C13orf46: variants seen among roughly 807,000 people sequenced by gnomAD.
C13orf46 encodes uncharacterized protein C13orf46.
chr13:113,962,717 G>C (rs1378808842), intron 6 of C13orf46, among the ~76,000 whole-genome samples: 10 of 152,180 alleles, frequency 6.6e-5, no homozygotes, highest in Admixed American at 2.0e-4. Context: ...AGTCAAGGGG[G>C]ATGGAGGCTG....
chr13:113,926,739 T>C, the C13orf46 span: 1 of 152,238 alleles, frequency 6.6e-6, no homozygotes, highest in African/African-American at 2.4e-5. Flanking sequence ...TGCTTCAAGA[T>C]GGCTGTTAAG....
At chr13:113,971,151 G>T (rs1379513679) in intron 1 of C13orf46, among the ~76,000 whole-genome samples, 2 of 152,242 alleles carry the variant, frequency 1.3e-5, no homozygotes, top group African/African-American at 4.8e-5. Context: ...GGGAATGTTT[G>T]CGGAGACCCT....
At chr13:113,972,256 G>A (rs919402421) in intron 1 of C13orf46, among the ~76,000 whole-genome samples, 4 of 152,206 alleles carry the variant, frequency 2.6e-5, no homozygotes, top group African/African-American at 9.7e-5. Flanking sequence ...TGAGAACTTT[G>A]CACGTCTTGA....
chr13:113,932,811 A>T, the C13orf46 span, among the ~76,000 whole-genome samples: 2 of 152,216 alleles, frequency 1.3e-5, no homozygotes, highest in East Asian at 1.9e-4. Flanking sequence ...ATTTTATCTT[A>T]TCTTCTTCTT....
rs1036539826 is a variant in C13orf46 at position 113,971,803 on chromosome 13, C to T, written c.191-1581G>A. Among the ~76,000 whole-genome samples, 80 of 152,220 alleles carry T rather than the reference C, an allele frequency of 5.3e-4. 1 individual carries two copies. The highest frequency in any genetic ancestry group is 1.2e-4 in the Non-Finnish European group (8 of 68,034). ...GTCCCTGCAGAAACCAAGGCCACGT[C>T]GGACTCTACCAGTGGTCAGCAAGGC... On this transcript the variant is annotated intron_variant, in intron 1 of 6. Coordinates refer to ENST00000636427, the MANE Select transcript of C13orf46 (RefSeq NM_001365455.2).
the C13orf46 span, among the ~76,000 whole-genome samples, chr13:113,932,137 A>G: frequency 6.6e-6 from 1 of 152,198 alleles, no homozygotes; most frequent in African/African-American, 2.4e-5. Flanking sequence ...TGGGTGTATC[A>G]TAATTGGTTC....
At chr13:113,929,294 G>A in the C13orf46 span, among the ~76,000 whole-genome samples, 1 of 152,258 alleles carries the variant, frequency 6.6e-6, no homozygotes, top group Non-Finnish European at 1.5e-5. Context: ...GCTGGCCCAG[G>A]CCCTGCAGAG....
At chr13:113,968,212 C>T (rs2052668923) in intron 4 of C13orf46, among the ~76,000 whole-genome samples, 1 of 152,212 alleles carries the variant, frequency 6.6e-6, no homozygotes, top group South Asian at 2.1e-4. Context: ...CACCTCCTCT[C>T]AGGGCCTCAT....
In C13orf46 at chr13:113,956,615, CAAG is replaced by C. The variant is rs1566415213; in HGVS notation, c.*155_*157del. ...CTCCTTCCAGGCCTGGCCAGTCCCA[CAAG>C]AAGAAAACAGAAACCTCAGTGCCTG... On this transcript the variant is annotated 3_prime_UTR_variant, in exon 7 of 7. Transcript: ENST00000636427. The C allele has an allele frequency of 6.6e-6, 1 of 152,472 alleles. No individual in the cohort carries two copies. Among genetic ancestry groups the C allele is most frequent in the Non-Finnish European group, 1.5e-5 (1 of 68,146 alleles). 9.4% of individuals were successfully genotyped at this position (152,472 alleles called of 1,614,324 possible). A position where few individuals can be genotyped will look rare whatever the true frequency, so the allele number is the denominator to read the frequency against.
At chr13:113,951,469 TC>T (rs1226179937), downstream of C13orf46, among the ~76,000 whole-genome samples, 4 of 151,152 alleles carry the variant, frequency 2.6e-5, no homozygotes, top group Non-Finnish European at 4.4e-5. Flanking sequence ...CCAGCACCAC[TC>T]CCCCCCGCCG....
At chr13:113,932,217 C>T in the C13orf46 span, among the ~76,000 whole-genome samples, 6 of 152,178 alleles carry the variant, frequency 3.9e-5, no homozygotes, top group Non-Finnish European at 7.3e-5. Context: ...TTGTTGTGAA[C>T]GTTTACGACA....
chr13:113,948,404 C>T, the C13orf46 span, among the ~76,000 whole-genome samples: 13 of 152,212 alleles, frequency 8.5e-5, no homozygotes, highest in African/African-American at 3.1e-4. Flanking sequence ...GACATATACT[C>T]GGAAAGCTAC....
At chr13:113,945,565 GAA>G in the C13orf46 span, among the ~76,000 whole-genome samples, 339 of 91,222 alleles carry the variant, frequency 3.7e-3, 7 homozygotes, top group African/African-American at 0.011. Context: ...AAGAAAGAAA[GAA>G]AGAAAGAAAG....
At chr13:113,957,065 G>A (rs2052541338) in intron 6 of C13orf46, among the ~76,000 whole-genome samples, 1 of 145,794 alleles carries the variant, frequency 6.9e-6, no homozygotes, top group East Asian at 2.1e-4. Flanking sequence ...ACCTGCATAT[G>A]CTCCCATTTC....
rs2052504644 is a variant in C13orf46, at chr13:113,954,400, C to T, written c.*2373G>A. 1 of 152,796 alleles carries T rather than the reference C, an allele frequency of 6.5e-6. No homozygotes were observed. The highest frequency in any genetic ancestry group is 6.5e-5 in the Admixed American group (1 of 15,314). The allele number at this position is 152,796 out of a possible 1,614,324, so 9.5% of individuals were successfully genotyped here. On this transcript the variant is annotated 3_prime_UTR_variant, in exon 7 of 7. Transcript: ENST00000636427. ...GGGCTCTGGGTGGATTCTGGTGAAA[C>T]TCGTCTTACAGGCATGTCCTGGAGC...
the C13orf46 span, among the ~76,000 whole-genome samples, chr13:113,939,078 G>C: frequency 2.6e-5 from 4 of 152,128 alleles, no homozygotes; most frequent in African/African-American, 9.7e-5. Flanking sequence ...GTAAACTCCG[G>C]GAGGGCAGAA....
chr13:113,951,186 C>T (rs2052487377), downstream of C13orf46, among the ~76,000 whole-genome samples: 10 of 152,310 alleles, frequency 6.6e-5, no homozygotes, highest in South Asian at 2.1e-3. Context: ...CCAGCGAATG[C>T]TCAGCTGGGG....
intron 6 of C13orf46, among the ~76,000 whole-genome samples, chr13:113,964,267 T>A (rs2052615910): frequency 6.6e-6 from 1 of 152,380 alleles, no homozygotes; most frequent in East Asian, 1.9e-4. Context: ...GCTTTTTGTA[T>A]TTTTGTGTGT....
In C13orf46 at chr13:113,960,917, T is replaced by C. The variant is rs1014284414; in HGVS notation, c.572+4010A>G. On this transcript the variant is annotated intron_variant, in intron 6 of 6. Coordinates refer to ENST00000636427, the MANE Select transcript of C13orf46 (RefSeq NM_001365455.2). ...GGCTTAAAAACCAAATATTTTATAT[T>C]TTATCAAGATAATTTCTCCTTTATC... Among the ~76,000 whole-genome samples the C allele has an allele frequency of 2.0e-5, 3 of 152,356 alleles. No individual in the cohort carries two copies. In the East Asian group the frequency reaches 5.8e-4, roughly 29 times the overall value.
Sources: allele counts gnomAD v4.1 joint callset (sites outside exome capture counted in the v4.1 genomes callset), GRCh38; gene constraint gnomAD v4.1.1; transcripts MANE v1.5; gene names NCBI Gene and HGNC (gene_info 2026-07-23, HGNC 2026-07-21).